INSR: variants seen among roughly 807,000 people sequenced by gnomAD.
INSR encodes the protein IR.
In INSR, 67 loss-of-function variants were observed where a neutral mutation model predicts 142.6. The observed-to-expected ratio is 0.47, with a 90% confidence interval of 0.39 to 0.58. INSR has a LOEUF of 0.58. Among genes scored for constraint, INSR ranks in the 20% least tolerant of loss-of-function variants. The pLI is 0.00. For synonymous variants in INSR, 756 were observed against 743.1 expected (o/e 1.02, Z -0.28); for missense variants, 1,248 against 1,833.2 (o/e 0.68, Z 5.83).
chr19:7,236,531 C>A (rs1976163673), intron 2 of INSR, among the ~76,000 whole-genome samples: 1 of 152,152 alleles, frequency 6.6e-6, no homozygotes, highest in Admixed American at 6.6e-5. Flanking sequence ...AAATGCAAAA[C>A]CATGGATGAA....
At chr19:7,120,551 C>G (rs545788743) in intron 20 of INSR, 69 bp downstream of exon 20, 4 of 1,597,400 alleles carry the variant, frequency 2.5e-6, no homozygotes, top group African/African-American at 2.7e-5. Flanking sequence ...TTCCTTCCCC[C>G]GCTCTTGGCT....
rs1973305562 is a variant in INSR, at chr19:7,150,369, GCTCTC to G, written c.2267+123_2267+127del. 1.3e-6 allele frequency: 1 copy of G among 777,322 alleles called. No individual in the cohort carries two copies. Among genetic ancestry groups the G allele is most frequent in the Non-Finnish European group, 2.2e-6 (1 of 450,066 alleles). 48.2% of individuals were successfully genotyped at this position (777,322 alleles called of 1,614,324 possible). On this transcript the variant is annotated intron_variant, in intron 11 of 21. Coordinates refer to ENST00000302850, the MANE Select transcript of INSR (RefSeq NM_000208.4). This position sits in a 1 kb window ranked among gnomAD's most constrained non-coding sequence, Gnocchi z 4.2. The stretch of plus-strand genomic sequence containing the variant: ...GGATTTCTGAATTGGTGAAGCATCT[GCTCTC>G]CAGCACAGCTGCCCGCCGCATGCAA...
chr19:7,172,171 TA>T, intron 5 of INSR, 118 bp downstream of exon 5: 1 of 1,117,352 alleles, frequency 8.9e-7, no homozygotes. Flanking sequence ...GTTGGCCTCC[TA>T]AAATGCTGGG....
intron 1 of INSR, among the ~76,000 whole-genome samples, chr19:7,282,098 C>T (rs1472995841): frequency 6.6e-6 from 1 of 152,200 alleles, no homozygotes; most frequent in African/African-American, 2.4e-5. Context: ...GGCACGGTGG[C>T]TCACACCAGT....
intron 3 of INSR, among the ~76,000 whole-genome samples, chr19:7,180,774 G>A (rs1974254520): frequency 6.6e-6 from 1 of 152,060 alleles, no homozygotes; most frequent in Admixed American, 6.6e-5. Flanking sequence ...GTAGCAAGTT[G>A]CAGGAAAAGC....
chr19:7,269,059 C>CACA (rs1967830815), intron 1 of INSR, among the ~76,000 whole-genome samples: 1 of 151,486 alleles, frequency 6.6e-6, no homozygotes, highest in Non-Finnish European at 1.5e-5. Flanking sequence ...CACACACACA[C>CACA]ACCGCCTCCC....
At chr19:7,204,806 C>T (rs1441909184) in intron 2 of INSR, among the ~76,000 whole-genome samples, 2 of 152,200 alleles carry the variant, frequency 1.3e-5, no homozygotes, top group Admixed American at 6.5e-5. Context: ...TAGAGCCGGG[C>T]GCAGTGGCTC....
chr19:7,233,668 C>CTTTTTTTTTTTTTTTTTTTTT (rs35763064), intron 2 of INSR, among the ~76,000 whole-genome samples: 2 of 72,404 alleles, frequency 2.8e-5, no homozygotes, highest in Non-Finnish European at 4.7e-5. Flanking sequence ...CTTTTTCTGT[C>CTTTTTTTTTTTTTTTTTTTTT]TTTTTTTTTT....
intron 2 of INSR, among the ~76,000 whole-genome samples, chr19:7,198,190 C>T (rs1045714767): frequency 2.6e-5 from 4 of 151,588 alleles, no homozygotes; most frequent in African/African-American, 4.8e-5. Context: ...AATCCGGCCC[C>T]GGCGGTTGCG....
rs2144782832 is a variant in INSR, at chr19:7,114,548, C to G, written c.*2508G>C. ...CCTCCCTCAAAATTCTTACTGGTCCCTGGCATTCGAATCAGCTGATACACA... is the reference window on the plus strand; with the variant it reads ...CCTCCCTCAAAATTCTTACTGGTCCGTGGCATTCGAATCAGCTGATACACA... On this transcript the variant is annotated 3_prime_UTR_variant, in exon 22 of 22. Coordinates refer to ENST00000302850, the MANE Select transcript of INSR (RefSeq NM_000208.4). 6.5e-6 allele frequency: 1 copy of G among 152,708 alleles called. No homozygotes were observed. Among genetic ancestry groups the G allele is most frequent in the East Asian group, 1.9e-4 (1 of 5,190 alleles). The allele number at this position is 152,708 out of a possible 1,614,324, so 9.5% of individuals were successfully genotyped here. A position where few individuals can be genotyped will look rare whatever the true frequency, so the allele number is the denominator to read the frequency against.
chr19:7,245,218 G>C (rs1419984308), intron 2 of INSR, among the ~76,000 whole-genome samples: 1 of 152,112 alleles, frequency 6.6e-6, no homozygotes, highest in South Asian at 2.1e-4. Context: ...TTACAGGCGT[G>C]AGCCACCGCG....
chr19:7,254,943 C>G (rs1451104908), intron 2 of INSR, among the ~76,000 whole-genome samples: 1 of 152,196 alleles, frequency 6.6e-6, no homozygotes. Flanking sequence ...GATTTTAACT[C>G]TACCCGCCTT....
Position 7,163,077 on chromosome 19 carries a change from G to A in INSR, c.1984C>T (p.Gln662Ter). ...TCGAACAGCTCACTGTCTTCCGCCTGCCTCTCCCAGAAAACCAGGTAGTGG... is the reference window on the plus strand; with the variant it reads ...TCGAACAGCTCACTGTCTTCCGCCTACCTCTCCCAGAAAACCAGGTAGTGG... ...ITHYLVFWERQAEDSELFELD... is the reference protein window; with the variant it reads ...ITHYLVFWER The change falls in exon 9 of 22, where the codon CAG becomes TAG. Residue 662 changes from glutamine to a stop codon, truncating the protein, a stop_gained. Transcript: ENST00000302850. LOFTEE classifies it high-confidence loss of function. The A allele has an allele frequency of 6.2e-7, 1 of 1,613,956 alleles. No homozygotes were observed. The highest frequency in any genetic ancestry group is 8.5e-7 in the Non-Finnish European group (1 of 1,179,976).
chr19:7,237,061 G>C (rs909956102), intron 2 of INSR, among the ~76,000 whole-genome samples: 1 of 151,682 alleles, frequency 6.6e-6, no homozygotes, highest in Non-Finnish European at 1.5e-5. Context: ...TAGACTTTGG[G>C]GACTCAGGGG....
intron 2 of INSR, among the ~76,000 whole-genome samples, chr19:7,263,894 G>A (rs1317005121): frequency 1.3e-5 from 2 of 152,118 alleles, no homozygotes; most frequent in East Asian, 3.8e-4. Context: ...TGTTGGCCAG[G>A]CACGGTGGCT....
intron 2 of INSR, among the ~76,000 whole-genome samples, chr19:7,196,402 T>A (rs1974748965): frequency 6.6e-6 from 1 of 152,198 alleles, no homozygotes; most frequent in African/African-American, 2.4e-5. Context: ...AACAATTGAT[T>A]GATCTAGATA....
At chr19:7,154,529 C>T (rs1973538515) in intron 9 of INSR, among the ~76,000 whole-genome samples, 1 of 150,684 alleles carries the variant, frequency 6.6e-6, no homozygotes, top group Non-Finnish European at 1.5e-5. Flanking sequence ...GTCTCGATCT[C>T]CTGACCTCGT....
At chr19:7,187,671 C>T (rs576581993) in intron 2 of INSR, among the ~76,000 whole-genome samples, 1 of 152,182 alleles carries the variant, frequency 6.6e-6, no homozygotes, top group Non-Finnish European at 1.5e-5. Context: ...CTCCTGGGCT[C>T]AGGTGATCCT....
At chr19:7,214,385 G>A (rs753549288) in intron 2 of INSR, among the ~76,000 whole-genome samples, 2 of 152,196 alleles carry the variant, frequency 1.3e-5, no homozygotes, top group African/African-American at 4.8e-5. Flanking sequence ...AGACGGCTAG[G>A]CCGCCGACTG....
Sources: gnomAD v4.1 joint callset for allele counts (sites outside exome capture counted in the v4.1 genomes callset) on GRCh38, gnomAD v4.1.1 for gene constraint, Gnocchi (gnomAD v3.1) non-coding constraint, MANE v1.5 for transcripts, NCBI Gene and HGNC (gene_info 2026-07-23, HGNC 2026-07-21) for gene names.